The following ZNF385D variants were observed in gnomAD, a reference collection of about 807,000 sequenced individuals.
ZNF385D encodes the protein zinc finger protein 385D, also known as zinc finger protein 659.
A neutral mutation model predicts 35.8 loss-of-function variants in ZNF385D; 15 were observed. That is an observed-to-expected ratio of 0.42 (90% CI 0.28 to 0.64). The LOEUF (loss-of-function observed/expected upper bound fraction) is 0.64, where lower values mean the gene tolerates loss of function less well. ZNF385D is among the 30% of genes least tolerant of loss of function. ZNF385D has a pLI of 0.23. For synonymous variants in ZNF385D, 212 were observed against 186.8 expected, an observed-to-expected ratio of 1.13 and a Z score of -1.10; for missense variants, 474 against 494.6, an observed-to-expected ratio of 0.96 and a Z score of 0.39.
At chr3:21,843,106 G>C (rs1403160616) in intron 3 of ZNF385D, among the ~76,000 whole-genome samples, 1 of 152,044 alleles carries the variant, frequency 6.6e-6, no homozygotes, top group Non-Finnish European at 1.5e-5. Flanking sequence ...CTGGAGAGTA[G>C]TTCTTAGATA....
chr3:22,098,631 A>G (rs186274784), intron 3 of ZNF385D, among the ~76,000 whole-genome samples: 347 of 152,184 alleles, frequency 2.3e-3, no homozygotes, highest in Admixed American at 3.8e-3. Flanking sequence ...TGGGAAGGAG[A>G]GGCTTGCCAT....
At chr3:21,860,261 A>G (rs1696976067) in intron 3 of ZNF385D, among the ~76,000 whole-genome samples, 1 of 152,082 alleles carries the variant, frequency 6.6e-6, no homozygotes, top group African/African-American at 2.4e-5. Context: ...TGTCATAACT[A>G]CTCAACTGTC....
At chr3:21,446,487 CTTTTTTTTTTT>C (rs71044918) in intron 4 of ZNF385D, among the ~76,000 whole-genome samples, 9 of 91,854 alleles carry the variant, frequency 9.8e-5, no homozygotes, top group East Asian at 2.8e-4. Context: ...AATCAATGAA[CTTTTTTTTTTT>C]TTTTTTTTTT....
chr3:22,277,408 A>G (rs1701483642), intron 2 of ZNF385D, among the ~76,000 whole-genome samples: 1 of 152,160 alleles, frequency 6.6e-6, no homozygotes, highest in African/African-American at 2.4e-5. Context: ...AAAATCATAA[A>G]GGCAACAATT....
intron 3 of ZNF385D, among the ~76,000 whole-genome samples, chr3:21,552,725 A>G (rs1007252630): frequency 6.6e-5 from 10 of 152,238 alleles, no homozygotes; most frequent in African/African-American, 2.4e-4. Flanking sequence ...CCTAAGTCAA[A>G]CATTCAAATA....
At chr3:22,101,234 A>G (rs1324619227) in intron 3 of ZNF385D, among the ~76,000 whole-genome samples, 1 of 152,114 alleles carries the variant, frequency 6.6e-6, no homozygotes, top group Non-Finnish European at 1.5e-5. Context: ...AAAGTCATGA[A>G]TGAAAATGCT....
intron 3 of ZNF385D, among the ~76,000 whole-genome samples, chr3:22,152,290 A>T (rs1463938196): frequency 6.6e-6 from 1 of 152,168 alleles, no homozygotes; most frequent in South Asian, 2.1e-4. Context: ...AAAGAGCAAC[A>T]ACAACTGCAT....
At chr3:22,077,323 ACTGTCAAAAGAG>A (rs1700514328) in intron 3 of ZNF385D, among the ~76,000 whole-genome samples, 1 of 151,910 alleles carries the variant, frequency 6.6e-6, no homozygotes, top group Non-Finnish European at 1.5e-5. Context: ...TAGTTTTACC[ACTGTCAAAAGAG>A]CATCTTTTGG....
intron 7 of ZNF385D, among the ~76,000 whole-genome samples, chr3:21,422,026 G>C (rs574066368): frequency 6.6e-6 from 1 of 152,088 alleles, no homozygotes; most frequent in Non-Finnish European, 1.5e-5. Context: ...TATGCAAATG[G>C]TAACCACATT....
intron 3 of ZNF385D, among the ~76,000 whole-genome samples, chr3:21,945,163 C>CATAT (rs146351553): frequency 5.6e-4 from 69 of 123,438 alleles, no homozygotes; most frequent in African/African-American, 2.1e-3. Context: ...TATACACACA[C>CATAT]ATATATATAT....
intron 1 of ZNF385D, among the ~76,000 whole-genome samples, chr3:21,711,624 C>A (rs906950805): frequency 6.6e-6 from 1 of 152,170 alleles, no homozygotes. Flanking sequence ...CATCTCCCAT[C>A]CCCAAAAACA....
intron 5 of ZNF385D, among the ~76,000 whole-genome samples, chr3:21,432,803 A>G (rs909530645): frequency 2.8e-5 from 4 of 140,592 alleles, no homozygotes; most frequent in Admixed American, 2.1e-4. Context: ...AAAAAAAAAA[A>G]TCAAAGTAGG....
chr3:21,645,019 A>G (rs2065710003), intron 2 of ZNF385D, among the ~76,000 whole-genome samples: 1 of 152,218 alleles, frequency 6.6e-6, no homozygotes, highest in Non-Finnish European at 1.5e-5. Flanking sequence ...CCATGTCTAC[A>G]AACAGGAAAG....
In ZNF385D at chr3:22,313,577, A is replaced by C. The variant is rs1347530469; in HGVS notation, c.106+58873T>G. Among the ~76,000 whole-genome samples, 6 of 152,124 alleles carry C rather than the reference A, an allele frequency of 3.9e-5. No homozygotes were observed. The East Asian group carries it at 1.2e-3, about 29-fold the overall frequency. ...AAAGATATTACAAAACAGACAACTCAAGAATTTTATGGTTAAGGGAAAAAA... is the reference window on the plus strand; with the variant it reads ...AAAGATATTACAAAACAGACAACTCCAGAATTTTATGGTTAAGGGAAAAAA... On this transcript the variant is annotated intron_variant, in intron 2 of 5. Coordinates refer to the ZNF385D transcript ENST00000494108.
chr3:21,427,117 T>G (rs972670687), intron 5 of ZNF385D, among the ~76,000 whole-genome samples: 1 of 152,144 alleles, frequency 6.6e-6, no homozygotes, highest in East Asian at 1.9e-4. Flanking sequence ...CTTTGCAATA[T>G]AGTGAGCACA....
intron 3 of ZNF385D, among the ~76,000 whole-genome samples, chr3:22,091,689 G>C (rs778404223): frequency 6.6e-6 from 1 of 152,110 alleles, no homozygotes; most frequent in Non-Finnish European, 1.5e-5. Flanking sequence ...AGAGCCCCCC[G>C]ACTGAAGGAG....
intron 3 of ZNF385D, among the ~76,000 whole-genome samples, chr3:22,087,686 A>C (rs1311895702): frequency 6.6e-6 from 1 of 152,172 alleles, no homozygotes; most frequent in East Asian, 1.9e-4. Flanking sequence ...ATAAACTTCA[A>C]CTTTGTTAAT....
intron 1 of ZNF385D, among the ~76,000 whole-genome samples, chr3:21,674,385 A>G (rs1559508316): frequency 6.6e-6 from 1 of 152,124 alleles, no homozygotes; most frequent in South Asian, 2.1e-4. Context: ...GGGACACTAT[A>G]CATATGGGTA....
At chr3:22,226,696 C>A (rs1220177266) in intron 2 of ZNF385D, among the ~76,000 whole-genome samples, 1 of 152,114 alleles carries the variant, frequency 6.6e-6, no homozygotes, top group African/African-American at 2.4e-5. Context: ...CTAGGTCATC[C>A]ATTTATAGCA....
Sources: allele counts gnomAD v4.1 joint callset (sites outside exome capture counted in the v4.1 genomes callset), GRCh38; gene constraint gnomAD v4.1.1; transcripts MANE v1.5; gene names NCBI Gene and HGNC (gene_info 2026-07-23, HGNC 2026-07-21).